The following SLC39A12 variants were observed in gnomAD, a reference collection of about 807,000 sequenced individuals.
The protein encoded by SLC39A12 is solute carrier family 39 member 12.
A neutral mutation model predicts 71.1 loss-of-function variants in SLC39A12; 63 were observed. The ratio of observed to expected loss-of-function variants is 0.89; its 90% confidence interval spans 0.72 to 1.09. SLC39A12 has a LOEUF of 1.09. Ranked by LOEUF, SLC39A12 falls within the 50% of genes least tolerant of loss-of-function variation. The probability of loss-of-function intolerance (pLI) is 0.00; values close to 1 mark genes in which losing one functional copy is unlikely to be tolerated. For synonymous variants in SLC39A12, 351 were observed against 301.3 expected, an observed-to-expected ratio of 1.16 and a Z score of -1.71; for missense variants, 892 against 812.6, an observed-to-expected ratio of 1.10 and a Z score of -1.19.
intron 12 of SLC39A12, among the ~76,000 whole-genome samples, chr10:18,012,756 C>T (rs1836262843): frequency 6.6e-6 from 1 of 151,356 alleles, no homozygotes; most frequent in Non-Finnish European, 1.5e-5. Context: ...AGTCCAGCTA[C>T]TCAGGAGGCT....
intron 12 of SLC39A12, among the ~76,000 whole-genome samples, chr10:18,036,221 GC>G (rs1837010566): frequency 6.6e-6 from 1 of 152,244 alleles, no homozygotes; most frequent in East Asian, 1.9e-4. Context: ...GCAAGCCTGG[GC>G]AATGGCGGGC....
chr10:18,041,840 TA>T (rs1837261785), intron 12 of SLC39A12, among the ~76,000 whole-genome samples: 1 of 147,182 alleles, frequency 6.8e-6, no homozygotes, highest in Non-Finnish European at 1.5e-5. Flanking sequence ...CATACATATG[TA>T]TACGTATATA....
rs571823193 is a variant in SLC39A12 at position 18,036,390 on chromosome 10, C to T, written c.1948-6315C>T. On this transcript the variant is annotated intron_variant, in intron 12 of 12. Coordinates refer to ENST00000377369, the MANE Select transcript of SLC39A12 (RefSeq NM_001145195.2). ...AAGCCGGTCTGAAAAGCGCAGTATT[C>T]GGGTGGGAGTGACCCGATTTTCCAG... Among the ~76,000 whole-genome samples the T allele has an allele frequency of 1.2e-4, 19 of 152,168 alleles. No homozygotes were observed. The South Asian group carries it at 2.9e-3, about 23-fold the overall frequency.
intron 8 of SLC39A12, among the ~76,000 whole-genome samples, 187 bp downstream of exon 8, chr10:17,991,490 C>T (rs886131623): frequency 4.6e-5 from 7 of 152,102 alleles, no homozygotes; most frequent in Non-Finnish European, 8.8e-5. Context: ...TATTCCTGGG[C>T]AGTTAATGTA....
chr10:17,983,196 A>T (rs1835311521), intron 6 of SLC39A12, among the ~76,000 whole-genome samples: 1 of 130,602 alleles, frequency 7.7e-6, no homozygotes, highest in South Asian at 2.6e-4. Context: ...AAAAAAAAAA[A>T]AGACTCTAGA....
intron 12 of SLC39A12, among the ~76,000 whole-genome samples, chr10:18,010,200 C>A (rs1249950723): frequency 6.6e-6 from 1 of 152,154 alleles, no homozygotes; most frequent in African/African-American, 2.4e-5. Context: ...CAAGTCAGGT[C>A]TGGTAAATGA....
At chr10:17,952,350 TTC>T (rs1834422610) in intron 1 of SLC39A12, among the ~76,000 whole-genome samples, 1 of 152,098 alleles carries the variant, frequency 6.6e-6, no homozygotes, top group Admixed American at 6.6e-5. Context: ...GGTCTCGAAA[TTC>T]TGTTTTTCTA....
At chr10:18,028,154 A>C (rs1007247774) in intron 12 of SLC39A12, among the ~76,000 whole-genome samples, 5 of 152,236 alleles carry the variant, frequency 3.3e-5, no homozygotes, top group African/African-American at 1.2e-4. Flanking sequence ...CTAAGCATTC[A>C]TAATGCCAAA....
intron 10 of SLC39A12, among the ~76,000 whole-genome samples, chr10:17,996,350 T>G (rs1478287743): frequency 6.6e-6 from 1 of 152,218 alleles, no homozygotes; most frequent in Non-Finnish European, 1.5e-5. Flanking sequence ...GTTTTTCGGA[T>G]TTTTTTGTCT....
At chr10:18,036,786 A>ATTTTTTTTTTTTT (rs1407183255) in intron 12 of SLC39A12, among the ~76,000 whole-genome samples, 10 of 9,458 alleles carry the variant, frequency 1.1e-3, no homozygotes, top group African/African-American at 2.9e-3. Context: ...ATATATATAT[A>ATTTTTTTTTTTTT]TATATATATT....
At chr10:18,035,497 A>G (rs1042304325) in intron 12 of SLC39A12, among the ~76,000 whole-genome samples, 4 of 147,362 alleles carry the variant, frequency 2.7e-5, no homozygotes, top group African/African-American at 5.1e-5. Context: ...TTTCAGCTCC[A>G]TCAGCTCCTT....
At chr10:17,954,572 G>T (rs573355188) in intron 2 of SLC39A12, among the ~76,000 whole-genome samples, 11 of 152,080 alleles carry the variant, frequency 7.2e-5, no homozygotes, top group Non-Finnish European at 1.5e-4. Context: ...ACTTTAATAT[G>T]ACGTCAGTGA....
chr10:18,021,662 ATGT>A (rs1217719726), intron 12 of SLC39A12, among the ~76,000 whole-genome samples: 1 of 152,138 alleles, frequency 6.6e-6, no homozygotes, highest in Non-Finnish European at 1.5e-5. Flanking sequence ...TCATGTCATC[ATGT>A]TGTTAGCTGG....
chr10:18,036,508 C>T (rs1192910831), intron 12 of SLC39A12, among the ~76,000 whole-genome samples: 3 of 151,892 alleles, frequency 2.0e-5, no homozygotes, highest in African/African-American at 7.3e-5. Flanking sequence ...TGCTTCGGCT[C>T]ACGCACGGTG....
chr10:18,041,862 C>CATATGTATACGTATATATATGTACATAT (rs1837263862), intron 12 of SLC39A12, among the ~76,000 whole-genome samples: 1 of 144,700 alleles, frequency 6.9e-6, no homozygotes, highest in Non-Finnish European at 1.5e-5. Context: ...TATGTACATA[C>CATATGTATACGTATATATATGTACATAT]ATATGTATAT....
At chr10:17,964,059 G>A (rs527870965) in intron 3 of SLC39A12, among the ~76,000 whole-genome samples, 73 of 152,080 alleles carry the variant, frequency 4.8e-4, no homozygotes, top group Non-Finnish European at 7.9e-4. Context: ...TAGTGTTCCC[G>A]TAGCCCTGCC....
chr10:18,012,992 A>C (rs949679380), intron 12 of SLC39A12, among the ~76,000 whole-genome samples: 3 of 152,108 alleles, frequency 2.0e-5, no homozygotes, highest in African/African-American at 7.2e-5. Context: ...CAAAACTCAG[A>C]ATTTCATGTT....
chr10:17,971,031 A>T (rs1262896158), intron 4 of SLC39A12, among the ~76,000 whole-genome samples: 1 of 152,008 alleles, frequency 6.6e-6, no homozygotes, highest in African/African-American at 2.4e-5. Flanking sequence ...ATTTCATCAA[A>T]TGCTTTTTCA....
At position 17,991,900 on chromosome 10, in the gene SLC39A12, C is replaced by G. The variant is rs748428615; in HGVS notation, c.1422+597C>G. Among the ~76,000 whole-genome samples, 6 of 151,962 alleles carry G rather than the reference C, an allele frequency of 3.9e-5. No individual in the cohort carries two copies. The East Asian group carries it at 9.7e-4, about 25-fold the overall frequency. On this transcript the variant is annotated intron_variant, in intron 8 of 12. Coordinates refer to ENST00000377369, the MANE Select transcript of SLC39A12 (RefSeq NM_001145195.2). ...GGTCAGGAGTTTGAGGCCAGCCTGG[C>G]CAACATAGCGAAACGCTGTCTGTAC...
Sources: gnomAD v4.1 joint callset for allele counts (sites outside exome capture counted in the v4.1 genomes callset) on GRCh38, gnomAD v4.1.1 for gene constraint, MANE v1.5 for transcripts, NCBI Gene and HGNC (gene_info 2026-07-23, HGNC 2026-07-21) for gene names.